PHLDB2: variants seen among roughly 807,000 people sequenced by gnomAD.
PHLDB2 encodes pleckstrin homology like domain family B member 2.
PHLDB2 carries 71 observed loss-of-function variants against 123.6 expected under a neutral mutation model. The ratio of observed to expected loss-of-function variants is 0.57; its 90% confidence interval spans 0.47 to 0.70. The LOEUF is 0.70. Ranked by LOEUF, PHLDB2 falls within the 30% of genes least tolerant of loss-of-function variation. The pLI is 0.00. For missense variants in PHLDB2, 1,446 were observed against 1,519.5 expected (o/e 0.95, Z 0.80); for synonymous variants, 547 against 541.6 (o/e 1.01, Z -0.14).
rs2061666548 is a variant in PHLDB2 at position 111,807,948 on chromosome 3, T to TTG, written c.-48-37872_-48-37871insGT. On this transcript the variant is annotated intron_variant, in intron 1 of 17. Transcript: ENST00000393923. ...ACCATTTTATAAATAAGCTGGGTGT[T>TTG]TTTTTTTTTTTTTTTTGCCTAATTT... Among the ~76,000 whole-genome samples, 7 of 14,710 alleles carry TTG rather than the reference T, an allele frequency of 4.8e-4. No homozygotes were observed. In the Admixed American group the frequency reaches 5.2e-3, roughly 11 times the overall value. 9.7% of individuals were successfully genotyped at this position (14,710 alleles called of 152,430 possible). A position where few individuals can be genotyped will look rare whatever the true frequency, so the allele number is the denominator to read the frequency against.
Position 111,969,303 on chromosome 3 carries a change from A to G in PHLDB2, c.3316-387A>G, listed in dbSNP as rs74325905. On this transcript the variant is annotated intron_variant, in intron 15 of 17. Coordinates refer to ENST00000431670, the MANE Select transcript of PHLDB2 (RefSeq NM_001134438.2). ...TTGAGAATGATTGTTAAGCTGTGGC[A>G]GGGACAACTTCTGGAAACTTAACAG... 5.2e-3 allele frequency among the ~76,000 whole-genome samples: 797 copies of G among 152,342 alleles called. 7 individuals are homozygous for G. Among genetic ancestry groups the G allele is most frequent in the African/African-American group, 0.018 (766 of 41,592 alleles).
chr3:111,876,568 A>G (rs1053457617), intron 1 of PHLDB2, among the ~76,000 whole-genome samples: 2 of 152,108 alleles, frequency 1.3e-5, no homozygotes, highest in African/African-American at 2.4e-5. Context: ...GAGAAAATGT[A>G]TTTACTTTTT....
rs1019382430 is a variant in PHLDB2, at chr3:111,884,557, T to G, written c.480T>G (p.Asn160Lys). 6.2e-7 allele frequency: 1 copy of G among 1,613,936 alleles called. No individual in the cohort carries two copies. ...GCTCAAGGCATAAATCGCATGACAA[T>G]GTCTACTCTCTTGGAGGGCTGGAAG... ...KYSSRHKSHDNVYSLGGLEGR... is the reference protein window; with the variant it reads ...KYSSRHKSHDKVYSLGGLEGR... The change falls in exon 2 of 18, where the codon AAT becomes AAG. Residue 160 changes from asparagine (N) to lysine (K), a missense_variant. Asn to Lys is a moderately conservative substitution (Grantham distance 94, BLOSUM62 0). Around this residue, in one of 3 missense-constraint regions of PHLDB2, gnomAD observed 832 missense variants for 831.9 expected, o/e 1.00. Coordinates refer to ENST00000431670, the MANE Select transcript of PHLDB2 (RefSeq NM_001134438.2).
intron 1 of PHLDB2, among the ~76,000 whole-genome samples, chr3:111,878,840 G>T (rs1328961959): frequency 6.6e-6 from 1 of 152,170 alleles, no homozygotes; most frequent in Non-Finnish European, 1.5e-5. Context: ...TTCTGATTAT[G>T]TGATGGATTA....
At chr3:111,941,809 A>AAAAAACAAAAC (rs111829861) in intron 8 of PHLDB2, among the ~76,000 whole-genome samples, 1 of 150,616 alleles carries the variant, frequency 6.6e-6, no homozygotes, top group Non-Finnish European at 1.5e-5. Context: ...CCTGTCTCAA[A>AAAAAACAAAAC]AAAACAAAAC....
chr3:111,949,060 G>A lies in PHLDB2; in HGVS notation c.2616G>A (p.Gln872=). The A allele has an allele frequency of 2.5e-6, 4 of 1,613,810 alleles. No individual in the cohort carries two copies. The highest frequency in any genetic ancestry group is 3.4e-6 in the Non-Finnish European group (4 of 1,179,944). Residue 872 remains glutamine (Q), a synonymous_variant, in exon 10 of 18, where the codon CAG becomes CAA. Coordinates refer to ENST00000431670, the MANE Select transcript of PHLDB2 (RefSeq NM_001134438.2). ...TEPATAVLAS[Q]PQSKEHFRSL... The stretch of plus-strand genomic sequence containing the variant: ...CTGCCACAGCTGTGCTGGCGAGCCA[G>A]CCACAGAGTAAAGAGGTGTGTAGGC...
chr3:111,769,068 T>C (rs1214855961), intron 1 of PHLDB2, among the ~76,000 whole-genome samples: 1 of 152,204 alleles, frequency 6.6e-6, no homozygotes, highest in African/African-American at 2.4e-5. Context: ...TGTTGCCAGA[T>C]GGAAATTGTT....
chr3:111,757,991 T>A (rs2059925816), intron 1 of PHLDB2, among the ~76,000 whole-genome samples: 1 of 152,126 alleles, frequency 6.6e-6, no homozygotes. Flanking sequence ...CCCGGCCGTG[T>A]GAGGTGTCAG....
chr3:111,774,102 T>C (rs543475461), intron 1 of PHLDB2, among the ~76,000 whole-genome samples: 1 of 152,350 alleles, frequency 6.6e-6, no homozygotes, highest in Admixed American at 6.5e-5. Context: ...ATATTGCTGC[T>C]TCATTCACAC....
chr3:111,851,035 A>C (rs1480706916), intron 2 of PHLDB2, among the ~76,000 whole-genome samples: 1 of 151,752 alleles, frequency 6.6e-6, no homozygotes, highest in Non-Finnish European at 1.5e-5. Flanking sequence ...CTCTACTAAA[A>C]ATACAAAAAA....
At chr3:111,949,182 A>T in intron 10 of PHLDB2, 107 bp downstream of exon 10, 1 of 1,321,790 alleles carries the variant, frequency 7.6e-7, no homozygotes, top group Non-Finnish European at 1.0e-6. Context: ...ACAAATGTAT[A>T]TCTGTTTGGC....
At position 111,780,384 on chromosome 3, in the gene PHLDB2, A is replaced by G. The variant is rs867064086; in HGVS notation, c.-49+47681A>G. 3.1e-4 allele frequency among the ~76,000 whole-genome samples: 14 copies of G among 45,610 alleles called. 1 individual carries two copies. The highest frequency in any genetic ancestry group is 3.6e-4 in the African/African-American group (8 of 22,172). The allele number at this position is 45,610 out of a possible 152,430, so 29.9% of individuals were successfully genotyped here. On this transcript the variant is annotated intron_variant, in intron 1 of 17. Transcript: ENST00000393923. ...AAGAAGAAGAAGAAGAAGAAGAAGAAGAAGAAGAAGAAGAAGAAGAAGAAG... is the reference window on the plus strand; with the variant it reads ...AAGAAGAAGAAGAAGAAGAAGAAGAGGAAGAAGAAGAAGAAGAAGAAGAAG...
intron 1 of PHLDB2, among the ~76,000 whole-genome samples, chr3:111,756,609 C>T (rs1016160102): frequency 6.6e-6 from 1 of 152,074 alleles, no homozygotes; most frequent in African/African-American, 2.4e-5. Flanking sequence ...TCCAATTTGC[C>T]AGTCTGTGTC....
intron 1 of PHLDB2, among the ~76,000 whole-genome samples, chr3:111,835,645 A>G (rs1424964688): frequency 6.6e-6 from 1 of 152,320 alleles, no homozygotes; most frequent in East Asian, 1.9e-4. Flanking sequence ...CAGAGAGAAC[A>G]TCTTGTCTCT....
chr3:111,919,112 T>C lies in PHLDB2; in HGVS notation c.1760T>C (p.Leu587Ser). Reference protein sequence around the residue: ...GISEEQRSQELAAMEETRIVI... With the variant: ...GISEEQRSQESAAMEETRIVI... ...AGTGAAGAACAGAGATCTCAGGAGT[T>C]GGCTGCAATGGAAGAAACCCGGATA... Residue 587 changes from leucine (L) to serine (S), a missense_variant, in exon 4 of 18, where the codon TTG becomes TCG. By Grantham distance (145) the Leu-to-Ser change is moderately radical. Around this residue, in one of 3 missense-constraint regions of PHLDB2, gnomAD observed 832 missense variants for 831.9 expected, o/e 1.00. Coordinates refer to ENST00000431670, the MANE Select transcript of PHLDB2 (RefSeq NM_001134438.2). 2.0e-5 allele frequency: 32 copies of C among 1,614,098 alleles called. No homozygotes were observed. Among genetic ancestry groups the C allele is most frequent in the Non-Finnish European group, 2.7e-5 (32 of 1,179,914 alleles).
chr3:111,835,614 C>A (rs2063359908), intron 1 of PHLDB2, among the ~76,000 whole-genome samples: 1 of 152,214 alleles, frequency 6.6e-6, no homozygotes, highest in South Asian at 2.1e-4. Context: ...GCTGCTCCAA[C>A]TCTGCAATTT....
chr3:111,774,509 C>T (rs1403617467), intron 1 of PHLDB2, among the ~76,000 whole-genome samples: 15 of 152,206 alleles, frequency 9.9e-5, no homozygotes, highest in Admixed American at 9.8e-4. Flanking sequence ...GCTGAAGAAG[C>T]ATCACTGCTA....
At chr3:111,955,845 T>G (rs1394541308) in intron 12 of PHLDB2, among the ~76,000 whole-genome samples, 1 of 152,174 alleles carries the variant, frequency 6.6e-6, no homozygotes, top group Non-Finnish European at 1.5e-5. Context: ...TTCAGGTGTT[T>G]AATTGAAAGA....
chr3:111,920,164 C>A, intron 4 of PHLDB2, 118 bp from the exon 5 acceptor site: 1 of 1,153,336 alleles, frequency 8.7e-7, no homozygotes, highest in South Asian at 1.8e-5. Context: ...GGCACCCGAT[C>A]TGGCTGCTAC....
Sources: allele counts gnomAD v4.1 joint callset (sites outside exome capture counted in the v4.1 genomes callset), GRCh38; gene constraint gnomAD v4.1.1; regional missense constraint gnomAD v4.1.1; transcripts MANE v1.5; gene names NCBI Gene and HGNC (gene_info 2026-07-23, HGNC 2026-07-21).